SSBP3: variants seen among roughly 807,000 people sequenced by gnomAD.
SSBP3 encodes single-stranded DNA-binding protein 3.
SSBP3 carries 5 observed loss-of-function variants against 69.6 expected under a neutral mutation model. The ratio of observed to expected loss-of-function variants is 0.07; its 90% CI spans 0.04 to 0.15. SSBP3 has a LOEUF of 0.15. SSBP3 is among the 10% of genes least tolerant of loss of function. SSBP3 has a pLI of 1.00. For missense variants in SSBP3, 312 were observed against 534.0 expected (o/e 0.58, Z 4.10); for synonymous variants, 196 against 193.4 (o/e 1.01, Z -0.11).
chr1:54,266,809 C>T (rs1331999558), intron 5 of SSBP3, among the ~76,000 whole-genome samples: 1 of 152,168 alleles, frequency 6.6e-6, no homozygotes, highest in Non-Finnish European at 1.5e-5. Context: ...TTGGCTGTCA[C>T]ACCAACACCC....
chr1:54,360,281 A>C (rs1646930290), intron 4 of SSBP3, among the ~76,000 whole-genome samples: 1 of 152,238 alleles, frequency 6.6e-6, no homozygotes, highest in Admixed American at 6.5e-5. Flanking sequence ...TAGAGCACAG[A>C]AATATGGAAA....
chr1:54,406,538 C>CGCGGCAGTCCCCGCT (rs1649788215), upstream of SSBP3: 1 of 151,958 alleles, frequency 6.6e-6, no homozygotes, highest in Non-Finnish European at 1.5e-5. Context: ...CAGCGCCGGC[C>CGCGGCAGTCCCCGCT]GCGGCAGTCC....
At chr1:54,291,735 G>C (rs577082867) in intron 4 of SSBP3, among the ~76,000 whole-genome samples, 16 of 152,324 alleles carry the variant, frequency 1.1e-4, no homozygotes, top group African/African-American at 3.8e-4. Context: ...GAATGATGTA[G>C]GTCACAAAGC....
chr1:54,321,428 C>A (rs900973571), intron 4 of SSBP3, among the ~76,000 whole-genome samples: 3 of 152,186 alleles, frequency 2.0e-5, no homozygotes, highest in Non-Finnish European at 4.4e-5. Flanking sequence ...TAGCTTCTGT[C>A]CCAGGGCTCC....
At chr1:54,261,915 T>A (rs1430088472) in intron 5 of SSBP3, among the ~76,000 whole-genome samples, 1 of 152,000 alleles carries the variant, frequency 6.6e-6, no homozygotes, top group South Asian at 2.1e-4. Context: ...CATCCCTTCC[T>A]CCAACATTTG....
intron 14 of SSBP3, among the ~76,000 whole-genome samples, 178 bp from the exon 15 acceptor site, chr1:54,229,004 C>G (rs1644335937): frequency 6.6e-6 from 1 of 152,250 alleles, no homozygotes; most frequent in African/African-American, 2.4e-5. Context: ...CACCTCGGCC[C>G]TCTAAGCTGC....
chr1:54,246,289 C>G (rs1371551678), intron 9 of SSBP3, among the ~76,000 whole-genome samples: 1 of 152,188 alleles, frequency 6.6e-6, no homozygotes, highest in African/African-American at 2.4e-5. Context: ...TTCTAATCCC[C>G]TCTACAAATC....
At position 54,308,767 on chromosome 1, in the gene SSBP3, C is replaced by CA. The variant is rs1190626099; in HGVS notation, c.277-27241dup. Among the ~76,000 whole-genome samples the CA allele has an allele frequency of 9.0e-4, 134 of 149,388 alleles. 1 individual carries two copies. Among genetic ancestry groups the CA allele is most frequent in the African/African-American group, 2.8e-3 (112 of 40,650 alleles). ...TGGGTGACAGAGCGAGACTCAGTCT[C>CA]AAAAAAAAAGAAGAAGAAGAAGAAG... is the stretch of plus-strand genomic sequence containing the variant. On this transcript the variant is annotated intron_variant, in intron 4 of 17. Coordinates refer to ENST00000610401, the Ensembl canonical transcript of SSBP3.
At chr1:54,269,077 G>A (rs1168829410) in intron 5 of SSBP3, among the ~76,000 whole-genome samples, 1 of 152,100 alleles carries the variant, frequency 6.6e-6, no homozygotes, top group Non-Finnish European at 1.5e-5. Flanking sequence ...AATCTGCCCC[G>A]CCTCGTGGAA....
In SSBP3 at chr1:54,411,447, C is replaced by T. The variant is rs184080493; in HGVS notation, c.-275+1909G>A. ...GAGCCGAGCTCGCACCACTGCACTC[C>T]ATCATGAGCGACAGAACAATACTCT... is the stretch of plus-strand genomic sequence containing the variant. On this transcript the variant is annotated intron_variant, in intron 1 of 8. Coordinates refer to the SSBP3 transcript ENST00000525990. Among the ~76,000 whole-genome samples the T allele has an allele frequency of 1.7e-3, 253 of 148,082 alleles. 1 individual carries two copies. The highest frequency in any genetic ancestry group is 6.1e-3 in the African/African-American group (245 of 40,180).
intron 4 of SSBP3, among the ~76,000 whole-genome samples, chr1:54,394,921 T>C (rs977148524): frequency 2.6e-5 from 4 of 151,932 alleles, no homozygotes; most frequent in Non-Finnish European, 5.9e-5. Context: ...GCCAGGATGG[T>C]CTCGATCTCC....
chr1:54,366,284 G>A (rs1647028734), intron 4 of SSBP3, among the ~76,000 whole-genome samples: 1 of 152,140 alleles, frequency 6.6e-6, no homozygotes, highest in Non-Finnish European at 1.5e-5. Context: ...GCAGCATGGA[G>A]GCGGAGTCCC....
rs113499201 is a variant in SSBP3 at position 54,259,509 on chromosome 1, C to A, written c.367-1360G>T. 5.1e-3 allele frequency among the ~76,000 whole-genome samples: 780 copies of A among 152,332 alleles called. 6 individuals are homozygous for A. The highest frequency in any genetic ancestry group is 0.018 in the African/African-American group (745 of 41,570). ...TGCCAGGGATGAGGAGACAGGCCTC[C>A]ATTCGCTCTTCCCCACCCATGACTG... On this transcript the variant is annotated intron_variant, in intron 5 of 17. Transcript: ENST00000610401.
At chr1:54,385,666 A>G (rs1648027553) in intron 4 of SSBP3, among the ~76,000 whole-genome samples, 1 of 152,190 alleles carries the variant, frequency 6.6e-6, no homozygotes, top group South Asian at 2.1e-4. Context: ...ATCACTCCCT[A>G]AGCACAGATA....
chr1:54,319,888 C>A (rs1386940596), intron 4 of SSBP3, among the ~76,000 whole-genome samples: 3 of 152,184 alleles, frequency 2.0e-5, no homozygotes, highest in Non-Finnish European at 4.4e-5. Flanking sequence ...AGGAATGAAG[C>A]AACCACAAAG....
At chr1:54,404,426 G>A (rs1356504449) in intron 3 of SSBP3, 150 bp downstream of exon 3, 3 of 856,870 alleles carry the variant, frequency 3.5e-6, no homozygotes, top group African/African-American at 1.7e-5. Context: ...TCCTTGGCCA[G>A]CTGGGCCGGA....
At position 54,290,528 on chromosome 1, in the gene SSBP3, T is replaced by C. The variant is rs1409247543; in HGVS notation, c.277-9001A>G. On this transcript the variant is annotated intron_variant, in intron 4 of 17. Transcript: ENST00000610401. ...GCCTCTCTCTTCTTAGTGGCCACCTTAGGAGGAAGTGAATTCCCTGGGCTG... is the reference window on the plus strand; with the variant it reads ...GCCTCTCTCTTCTTAGTGGCCACCTCAGGAGGAAGTGAATTCCCTGGGCTG... Among the ~76,000 whole-genome samples the C allele has an allele frequency of 2.6e-5, 4 of 152,190 alleles. No individual in the cohort carries two copies. The East Asian group carries it at 7.7e-4, about 29-fold the overall frequency.
chr1:54,227,182 G>GT, intron 17 of SSBP3, 22 bp from the exon 18 acceptor site: 2 of 626,172 alleles, frequency 3.2e-6, no homozygotes, highest in Non-Finnish European at 4.5e-6. Context: ...AAGCAGAGAA[G>GT]GGGGGGGGGT....
intron 14 of SSBP3, among the ~76,000 whole-genome samples, chr1:54,232,444 T>A (rs996220328): frequency 1.3e-5 from 2 of 152,086 alleles, no homozygotes; most frequent in Admixed American, 6.5e-5. Context: ...TTTTTTAAAA[T>A]AAAACATAGG....
Sources: allele counts gnomAD v4.1 joint callset (sites outside exome capture counted in the v4.1 genomes callset), GRCh38; gene constraint gnomAD v4.1.1; transcripts MANE v1.5; gene names NCBI Gene and HGNC (gene_info 2026-07-23, HGNC 2026-07-21).